Variants in SMTNL2 observed in about 807,000 individuals in gnomAD.
SMTNL2 encodes smoothelin-like protein 2.
A neutral mutation model predicts 44.1 loss-of-function variants in SMTNL2; 43 were observed. The ratio of observed to expected loss-of-function variants is 0.98; its 90% CI spans 0.76 to 1.26. SMTNL2 has a LOEUF of 1.26. Ranked by LOEUF, SMTNL2 falls within the 50% of genes most tolerant of loss-of-function variation. The pLI is 0.00. For synonymous variants in SMTNL2, 317 were observed against 287.6 expected (o/e 1.10, Z -1.03); for missense variants, 646 against 670.2 (o/e 0.96, Z 0.40).
intron 3 of SMTNL2, 142 bp downstream of exon 3, chr17:4,593,313 C>A: frequency 6.2e-6 from 8 of 1,286,582 alleles, no homozygotes; most frequent in Non-Finnish European, 8.3e-6. Context: ...CCATGTCAGC[C>A]CCTTCCCTTA....
At position 4,595,277 on chromosome 17, in the gene SMTNL2, G is replaced by C; in HGVS notation, c.939G>C (p.Gln313His). 6.2e-7 allele frequency: 1 copy of C among 1,613,284 alleles called. No homozygotes were observed. The highest frequency in any genetic ancestry group is 8.5e-7 in the Non-Finnish European group (1 of 1,179,920). Reference sequence around the variant, plus strand: ...CGCTGCCCCGCACCTCGGAGGCGCAGGCCCGGAAAGCATTGTTTGAGAAGT... The same window carrying C: ...CGCTGCCCCGCACCTCGGAGGCGCACGCCCGGAAAGCATTGTTTGAGAAGT... ...SQTLPRTSEAQARKALFEKWE... is the reference protein window; with the variant it reads ...SQTLPRTSEAHARKALFEKWE... Residue 313 changes from glutamine (Q) to histidine (H), a missense_variant, in exon 5 of 8, where the codon CAG becomes CAC. Gln to His is a conservative substitution (Grantham distance 24). Transcript: ENST00000389313. This position sits in a 1 kb window ranked among gnomAD's most constrained non-coding sequence, Gnocchi z 5.1.
intron 1 of SMTNL2, among the ~76,000 whole-genome samples, chr17:4,590,640 T>C (rs2150519889): frequency 6.6e-6 from 1 of 152,252 alleles, no homozygotes; most frequent in East Asian, 1.9e-4. Flanking sequence ...TGGGAGAGGC[T>C]TGGCACCCTT....
At position 4,607,534 on chromosome 17, in the gene SMTNL2, G is replaced by C. The variant is rs1291118523; in HGVS notation, c.*47G>C. The C allele has an allele frequency of 6.3e-7, 1 of 1,596,312 alleles. No individual in the cohort carries two copies. Among genetic ancestry groups the C allele is most frequent in the Admixed American group, 1.7e-5 (1 of 58,900 alleles). ...AAAGAGCAGCCCCAGGAAGAGGCCGGGGGTCCGCTTGCGATTCCCCAGCCA... is the reference window on the plus strand; with the variant it reads ...AAAGAGCAGCCCCAGGAAGAGGCCGCGGGTCCGCTTGCGATTCCCCAGCCA... On this transcript the variant is annotated 3_prime_UTR_variant, in exon 8 of 8. Coordinates refer to ENST00000389313, the MANE Select transcript of SMTNL2 (RefSeq NM_001114974.2). The surrounding 1 kb of genome is among the most constrained non-coding windows in gnomAD (Gnocchi z 4.7).
At position 4,607,017 on chromosome 17, in the gene SMTNL2, C is replaced by G. The variant is rs1910306160; in HGVS notation, c.1260-344C>G. Among the ~76,000 whole-genome samples the G allele has an allele frequency of 6.6e-6, 1 of 151,934 alleles. No homozygotes were observed. Among genetic ancestry groups the G allele is most frequent in the African/African-American group, 2.4e-5 (1 of 41,352 alleles). On this transcript the variant is annotated intron_variant, in intron 7 of 7. Transcript: ENST00000389313. The surrounding 1 kb of genome is among the most constrained non-coding windows in gnomAD (Gnocchi z 4.7). ...TGAGGATCACTTGGGCCTAGGAGATCGAGGCTGCAATAAGCTAGGATCGTG... is the reference window on the plus strand; with the variant it reads ...TGAGGATCACTTGGGCCTAGGAGATGGAGGCTGCAATAAGCTAGGATCGTG...
Position 4,584,779 on chromosome 17 carries a change from C to T in SMTNL2, c.174C>T (p.Arg58=). Residue 58 remains arginine, a synonymous_variant, in exon 1 of 8, where the codon CGC becomes CGT. Transcript: ENST00000389313. The part of the protein sequence containing the change: ...EAMRLAGPLA[R]TVADLQRDNQ... ...TGCGCCTGGCCGGCCCCCTGGCGCG[C>T]ACGGTGGCCGACCTGCAGCGGGACA... 1 of 1,309,202 alleles carries T rather than the reference C, an allele frequency of 7.6e-7. No homozygotes were observed. Among genetic ancestry groups the T allele is most frequent in the Non-Finnish European group, 9.7e-7 (1 of 1,032,506 alleles). The allele number at this position is 1,309,202 out of a possible 1,614,324, so 81.1% of individuals were successfully genotyped here. A position where few individuals can be genotyped will look rare whatever the true frequency, so the allele number is the denominator to read the frequency against.
chr17:4,587,875 C>A (rs990002374), intron 1 of SMTNL2, among the ~76,000 whole-genome samples: 2 of 152,218 alleles, frequency 1.3e-5, no homozygotes, highest in Non-Finnish European at 2.9e-5. Context: ...TGGATGGTGG[C>A]AGCTTGAGGC....
intron 1 of SMTNL2, among the ~76,000 whole-genome samples, chr17:4,588,822 G>A (rs1909447475): frequency 6.6e-6 from 1 of 152,238 alleles, no homozygotes; most frequent in Non-Finnish European, 1.5e-5. Flanking sequence ...CCTGGTTTGG[G>A]GTGGGAGACC....
At chr17:4,588,373 C>T (rs1414778233) in intron 1 of SMTNL2, among the ~76,000 whole-genome samples, 1 of 152,254 alleles carries the variant, frequency 6.6e-6, no homozygotes, top group Non-Finnish European at 1.5e-5. Context: ...CAGGCCTGGG[C>T]TCCCTCATGG....
Position 4,607,249 on chromosome 17 carries a change from C to T in SMTNL2, c.1260-112C>T, listed in dbSNP as rs987173721. On this transcript the variant is annotated intron_variant, in intron 7 of 7. Coordinates refer to ENST00000389313, the MANE Select transcript of SMTNL2 (RefSeq NM_001114974.2). The surrounding 1 kb of genome is among the most constrained non-coding windows in gnomAD (Gnocchi z 4.7). ...TTCCCCGCTGGTGGGTCCTTGGGAA[C>T]CTCTGGCTGCCGGCTGAGCTCTGTT... 1 of 1,540,296 alleles carries T rather than the reference C, an allele frequency of 6.5e-7. No homozygotes were observed. The highest frequency in any genetic ancestry group is 8.8e-7 in the Non-Finnish European group (1 of 1,137,898).
At position 4,584,917 on chromosome 17, in the gene SMTNL2, C is replaced by T; in HGVS notation, c.312C>T (p.Pro104=). The part of the protein sequence containing the change: ...PGTPGTPSPP[P]APGVPDRAPR... ...CTCCCGGCACGCCCAGCCCCCCGCC[C>T]GCGCCCGGGGTTCCCGACCGCGCGC... Residue 104 remains proline, a synonymous_variant, in exon 1 of 8, where the codon CCC becomes CCT. Transcript: ENST00000389313. 7.7e-7 allele frequency: 1 copy of T among 1,294,532 alleles called. No homozygotes were observed. The highest frequency in any genetic ancestry group is 9.7e-7 in the Non-Finnish European group (1 of 1,027,094). The allele number at this position is 1,294,532 out of a possible 1,614,324, so 80.2% of individuals were successfully genotyped here.
rs970899588 is a variant in SMTNL2 at position 4,594,796 on chromosome 17, G to A, written c.807-349G>A. ...GAAAACAAAGGGGGTCTTATCGCAT[G>A]GTGGTGGAGGCAGGAGGCCTGGTCC... On this transcript the variant is annotated intron_variant, in intron 4 of 7. Transcript: ENST00000389313. 1.1e-3 allele frequency among the ~76,000 whole-genome samples: 173 copies of A among 152,224 alleles called. 2 individuals carry two copies. The highest frequency in any genetic ancestry group is 3.9e-3 in the African/African-American group (160 of 41,536).
At position 4,584,855 on chromosome 17, in the gene SMTNL2, C is replaced by A; in HGVS notation, c.250C>A (p.Leu84Met). Residue 84 changes from leucine (L) to methionine (M), a missense_variant, in exon 1 of 8, where the codon CTG (leucine) becomes ATG (methionine). Physicochemically the swap from Leu to Met is conservative, Grantham distance 15. Transcript: ENST00000389313. Reference protein sequence around the residue: ...LERLTRQVEALGLASGMSPVP... With the variant: ...LERLTRQVEAMGLASGMSPVP... Reference sequence around the variant, plus strand: ...GCGCCTGACGCGCCAGGTGGAGGCGCTGGGCTTGGCCAGCGGGATGTCCCC... The same window carrying A: ...GCGCCTGACGCGCCAGGTGGAGGCGATGGGCTTGGCCAGCGGGATGTCCCC... 1 of 1,321,614 alleles carries A rather than the reference C, an allele frequency of 7.6e-7. No individual in the cohort carries two copies. The highest frequency in any genetic ancestry group is 9.6e-7 in the Non-Finnish European group (1 of 1,037,312). The allele number at this position is 1,321,614 out of a possible 1,614,324, so 81.9% of individuals were successfully genotyped here.
chr17:4,598,742 A>C lies in SMTNL2; in HGVS notation c.1259+1419A>C, dbSNP rs1380224206. On this transcript the variant is annotated intron_variant, in intron 7 of 7. Coordinates refer to ENST00000389313, the MANE Select transcript of SMTNL2 (RefSeq NM_001114974.2). The surrounding 1 kb of genome is among the most constrained non-coding windows in gnomAD (Gnocchi z 4.8). ...AGGAGGCTGAGGCAGGAGAATTGTTAGAACCCAAGAGAAAGAGGTTGCAGT... is the reference window on the plus strand; with the variant it reads ...AGGAGGCTGAGGCAGGAGAATTGTTCGAACCCAAGAGAAAGAGGTTGCAGT... 6.6e-6 allele frequency among the ~76,000 whole-genome samples: 1 copy of C among 152,050 alleles called. No individual in the cohort carries two copies. The highest frequency in any genetic ancestry group is 1.9e-4 in the East Asian group (1 of 5,174).
intron 3 of SMTNL2, among the ~76,000 whole-genome samples, chr17:4,593,431 C>T (rs76210943): frequency 0.016 from 2,419 of 152,362 alleles, 64 homozygotes; most frequent in African/African-American, 0.056. Flanking sequence ...TTGCCCTGCA[C>T]GTTGGGCACT....
At position 4,595,444 on chromosome 17, in the gene SMTNL2, G is replaced by T; in HGVS notation, c.989+117G>T. On this transcript the variant is annotated intron_variant, in intron 5 of 7. Coordinates refer to ENST00000389313, the MANE Select transcript of SMTNL2 (RefSeq NM_001114974.2). This position sits in a 1 kb window ranked among gnomAD's most constrained non-coding sequence, Gnocchi z 5.1. ...CTGTCCTGTTCCCCAGGGCGCTGTT[G>T]CCCAGGACAAGATCTCTTGGGCAAG... 1 of 1,397,706 alleles carries T rather than the reference G, an allele frequency of 7.2e-7. No homozygotes were observed. Among genetic ancestry groups the T allele is most frequent in the Non-Finnish European group, 9.6e-7 (1 of 1,040,106 alleles). 86.6% of individuals were successfully genotyped at this position (1,397,706 alleles called of 1,614,324 possible).
At chr17:4,588,834 G>A (rs1001228062) in intron 1 of SMTNL2, among the ~76,000 whole-genome samples, 16 of 152,338 alleles carry the variant, frequency 1.1e-4, no homozygotes, top group Admixed American at 2.6e-4. Context: ...TGGGAGACCC[G>A]AGTCCCGTAC....
In SMTNL2 at chr17:4,585,022, C is replaced by T; in HGVS notation, c.399+18C>T. The T allele has an allele frequency of 7.6e-7, 1 of 1,307,972 alleles. No individual in the cohort carries two copies. Among genetic ancestry groups the T allele is most frequent in the Non-Finnish European group, 9.7e-7 (1 of 1,031,674 alleles). The allele number at this position is 1,307,972 out of a possible 1,614,324, so 81.0% of individuals were successfully genotyped here. A position where few individuals can be genotyped will look rare whatever the true frequency, so the allele number is the denominator to read the frequency against. On this transcript the variant is annotated intron_variant, in intron 1 of 7. Transcript: ENST00000389313. ...GCGGCCAGGTGAGCCCGGGGGAGCG[C>T]GTGCGCTGGCGCCAGGGAGTGGGGC...
At position 4,595,722 on chromosome 17, in the gene SMTNL2, G is replaced by T. The variant is rs1322400662; in HGVS notation, c.989+395G>T. 1.3e-5 allele frequency among the ~76,000 whole-genome samples: 2 copies of T among 152,236 alleles called. No homozygotes were observed. Among genetic ancestry groups the T allele is most frequent in the Non-Finnish European group, 2.9e-5 (2 of 68,036 alleles). On this transcript the variant is annotated intron_variant, in intron 5 of 7. Coordinates refer to ENST00000389313, the MANE Select transcript of SMTNL2 (RefSeq NM_001114974.2). This position sits in a 1 kb window ranked among gnomAD's most constrained non-coding sequence, Gnocchi z 5.1. ...ATGGGGACTGGGATTCCTGGCCAGA[G>T]CTGGGAGCCCCAGCATGGGGTTGGT... is the stretch of plus-strand genomic sequence containing the variant.
At position 4,592,789 on chromosome 17, in the gene SMTNL2, C is replaced by A; in HGVS notation, c.488-140C>A. ...GTAAGATATCCCTGGTAGGGGAGGT[C>A]AGAGAGGCTGGAGCAGTCAGGGAGG... On this transcript the variant is annotated intron_variant, in intron 2 of 7. Transcript: ENST00000389313. This position sits in a 1 kb window ranked among gnomAD's most constrained non-coding sequence, Gnocchi z 4.5. 8.5e-7 allele frequency: 1 copy of A among 1,181,772 alleles called. No individual in the cohort carries two copies. Among genetic ancestry groups the A allele is most frequent in the Non-Finnish European group, 1.2e-6 (1 of 852,886 alleles). The allele number at this position is 1,181,772 out of a possible 1,614,324, so 73.2% of individuals were successfully genotyped here.
Sources: allele counts gnomAD v4.1 joint callset (sites outside exome capture counted in the v4.1 genomes callset), GRCh38; gene constraint gnomAD v4.1.1; non-coding constraint Gnocchi (gnomAD v3.1); transcripts MANE v1.5; gene names NCBI Gene and HGNC (gene_info 2026-07-23, HGNC 2026-07-21).